The following NMT1 variants were observed in gnomAD, a reference collection of about 807,000 sequenced individuals.
NMT1 encodes the protein N-myristoyltransferase 1, also known as glycylpeptide N-tetradecanoyltransferase 1.
In NMT1, 12 loss-of-function variants were observed where a neutral mutation model predicts 63.4. The ratio of observed to expected loss-of-function variants is 0.19; its 90% CI spans 0.12 to 0.31. NMT1 has a LOEUF of 0.31. Among genes scored for constraint, NMT1 ranks in the 10% least tolerant of loss-of-function variants. NMT1 has a pLI of 1.00. For missense variants in NMT1, 432 were observed against 634.6 expected (o/e 0.68, Z 3.43); for synonymous variants, 228 against 234.3 (o/e 0.97, Z 0.25).
In NMT1 at chr17:45,085,079, C is replaced by A. The variant is rs370764037; in HGVS notation, c.241-1429C>A. ...CCCAGGCAACATAGTGAGACCCCGT[C>A]TCGACAAAAAAACAAACAAAAAAAT... On this transcript the variant is annotated intron_variant, in intron 2 of 11. Transcript: ENST00000258960. Among the ~76,000 whole-genome samples the A allele has an allele frequency of 5.9e-5, 9 of 151,934 alleles. No homozygotes were observed. The East Asian group carries it at 1.4e-3, about 23-fold the overall frequency.
chr17:45,070,478 C>T lies in NMT1; in HGVS notation c.131+9018C>T, dbSNP rs148924961. The stretch of plus-strand genomic sequence containing the variant: ...TGTCACCCAGGCTGGAGTACAGTGG[C>T]GCGGTCTTGGCTCACTGCAAGCTGC... On this transcript the variant is annotated intron_variant, in intron 1 of 11. Transcript: ENST00000258960. Among the ~76,000 whole-genome samples the T allele has an allele frequency of 1.9e-4, 29 of 152,264 alleles. 2 individuals are homozygous for T. The East Asian group carries it at 2.9e-3, about 15-fold the overall frequency.
rs1006739593 is a variant in NMT1, at chr17:45,098,428, C to T, written c.760C>T (p.Leu254=). 10 of 1,614,198 alleles carry T rather than the reference C, an allele frequency of 6.2e-6. No individual in the cohort carries two copies. Among genetic ancestry groups the T allele is most frequent in the African/African-American group, 4.0e-5 (3 of 75,054 alleles). ...EINFLCVHKK[L]RSKRVAPVLI... ...CAACTTCCTGTGTGTCCACAAGAAG[C>T]TGCGTTCCAAGAGGGTTGCTCCAGT... is the stretch of plus-strand genomic sequence containing the variant. Residue 254 remains leucine (L), a synonymous_variant, in exon 7 of 12, where the codon CTG becomes TTG. Transcript: ENST00000258960.
chr17:45,103,053 A>C lies in NMT1; in HGVS notation c.1096A>C (p.Met366Leu). The change falls in exon 9 of 12, where the codon ATG becomes CTG. Residue 366 changes from methionine (M) to leucine (L), a missense_variant. Physicochemically the swap from Met to Leu is conservative, Grantham distance 15. Coordinates refer to ENST00000258960, the MANE Select transcript of NMT1 (RefSeq NM_021079.5). This position sits in a 1 kb window ranked among gnomAD's most constrained non-coding sequence, Gnocchi z 4.8. The stretch of plus-strand genomic sequence containing the variant: ...GAAGCAATTTCACCTTACGCCCGTC[A>C]TGAGCCAGGAGGAGGTGGAGCACTG... ...YLKQFHLTPV[M>L]SQEEVEHWFY... is the part of the protein sequence containing the mutation. The C allele has an allele frequency of 6.2e-7, 1 of 1,614,072 alleles. No homozygotes were observed. The highest frequency in any genetic ancestry group is 8.5e-7 in the Non-Finnish European group (1 of 1,179,954).
rs2054196046 is a variant in NMT1 at position 45,105,431 on chromosome 17, G to T, written c.1471-188G>T. ...GCTGGAGCGTGGGCCAGTTTTCCCT[G>T]GGAGGTCTGATGGACGTGTGAACCC... On this transcript the variant is annotated intron_variant, in intron 11 of 11. Coordinates refer to ENST00000258960, the MANE Select transcript of NMT1 (RefSeq NM_021079.5). The surrounding 1 kb of genome is among the most constrained non-coding windows in gnomAD (Gnocchi z 4.2). Among the ~76,000 whole-genome samples, 1 of 152,186 alleles carries T rather than the reference G, an allele frequency of 6.6e-6. No individual in the cohort carries two copies. The highest frequency in any genetic ancestry group is 6.5e-5 in the Admixed American group (1 of 15,278).
chr17:45,097,554 C>G (rs2054133727), intron 6 of NMT1, among the ~76,000 whole-genome samples: 1 of 152,022 alleles, frequency 6.6e-6, no homozygotes, highest in South Asian at 2.1e-4. Context: ...CAAGGTCTTG[C>G]TATGTTGCCC....
At chr17:45,080,409 C>T (rs1438866092) in intron 1 of NMT1, among the ~76,000 whole-genome samples, 1 of 151,544 alleles carries the variant, frequency 6.6e-6, no homozygotes, top group Non-Finnish European at 1.5e-5. Flanking sequence ...ATCCGCCTGC[C>T]TTGGCCTCCC....
At chr17:45,076,895 G>C (rs2143471148) in intron 1 of NMT1, among the ~76,000 whole-genome samples, 1 of 152,294 alleles carries the variant, frequency 6.6e-6, no homozygotes, top group African/African-American at 2.4e-5. Context: ...TTTGCTCTCT[G>C]ATTTTAGTTT....
In NMT1 at chr17:45,061,461, G is replaced by A; in HGVS notation, c.131+1G>A. The A allele has an allele frequency of 6.2e-7, 1 of 1,611,948 alleles. No individual in the cohort carries two copies. The highest frequency in any genetic ancestry group is 8.5e-7 in the Non-Finnish European group (1 of 1,179,150). ...AGGAGGACAACAGCTACAACCGGGGGTAACGAAATCCTCGGAGTCCAATTC... is the reference window on the plus strand; with the variant it reads ...AGGAGGACAACAGCTACAACCGGGGATAACGAAATCCTCGGAGTCCAATTC... On this transcript the variant is annotated splice_donor_variant, in intron 1 of 11. Transcript: ENST00000258960. LOFTEE classifies it high-confidence loss of function.
At position 45,103,268 on chromosome 17, in the gene NMT1, G is replaced by A; in HGVS notation, c.1164+147G>A. The A allele has an allele frequency of 5.4e-6, 4 of 735,852 alleles. No homozygotes were observed. The highest frequency in any genetic ancestry group is 8.9e-6 in the Non-Finnish European group (4 of 451,164). The allele number at this position is 735,852 out of a possible 1,614,324, so 45.6% of individuals were successfully genotyped here. A position where few individuals can be genotyped will look rare whatever the true frequency, so the allele number is the denominator to read the frequency against. The stretch of plus-strand genomic sequence containing the variant: ...TCCTCCCTAAAAACAGGGAGTTGGT[G>A]CTTGAATTTGCTGAAAAGATACCTC... On this transcript the variant is annotated intron_variant, in intron 9 of 11. Transcript: ENST00000258960. This position sits in a 1 kb window ranked among gnomAD's most constrained non-coding sequence, Gnocchi z 4.8.
Position 45,103,174 on chromosome 17 carries a change from C to A in NMT1, c.1164+53C>A. On this transcript the variant is annotated intron_variant, in intron 9 of 11. Transcript: ENST00000258960. This position sits in a 1 kb window ranked among gnomAD's most constrained non-coding sequence, Gnocchi z 4.8. ...TCTAACACGTTCCCAGAGAGGCACC[C>A]CCCTGAGTGGCCGGGTTCCCAGGGC... 1.3e-6 allele frequency: 2 copies of A among 1,549,192 alleles called. No homozygotes were observed. The highest frequency in any genetic ancestry group is 2.4e-5 in the South Asian group (2 of 84,738).
Position 45,086,582 on chromosome 17 carries a change from T to C in NMT1, c.315T>C (p.Pro105=). Residue 105 remains proline, a synonymous_variant, in exon 3 of 12, where the codon CCT becomes CCC. Coordinates refer to ENST00000258960, the MANE Select transcript of NMT1 (RefSeq NM_021079.5). ...AIELFSVGQG[P]AKTMEEASKR... is the part of the protein sequence containing the mutation. ...AGCTGTTCTCAGTGGGTCAGGGACC[T>C]GCCAAAACCATGGAGGAGGCTAGCA... 1 of 1,613,690 alleles carries C rather than the reference T, an allele frequency of 6.2e-7. No homozygotes were observed. Among genetic ancestry groups the C allele is most frequent in the Non-Finnish European group, 8.5e-7 (1 of 1,179,784 alleles).
intron 1 of NMT1, among the ~76,000 whole-genome samples, chr17:45,074,089 C>CT (rs1419400620): frequency 6.6e-6 from 1 of 152,170 alleles, no homozygotes; most frequent in African/African-American, 2.4e-5. Context: ...GCATTGCGCT[C>CT]TATTTCTAGA....
Position 45,061,350 on chromosome 17 carries a change from A to G in NMT1, c.21A>G (p.Thr7=), listed in dbSNP as rs763334167. 1 of 1,613,986 alleles carries G rather than the reference A, an allele frequency of 6.2e-7. No homozygotes were observed. The highest frequency in any genetic ancestry group is 8.5e-7 in the Non-Finnish European group (1 of 1,179,964). Residue 7 remains threonine (T), a synonymous_variant, in exon 1 of 12, where the codon ACA becomes ACG. Coordinates refer to ENST00000258960, the MANE Select transcript of NMT1 (RefSeq NM_021079.5). MADESE[T]AVKPPAPPLP... is the part of the protein sequence containing the mutation. The stretch of plus-strand genomic sequence containing the variant: ...TCAAGATGGCGGACGAGAGTGAGAC[A>G]GCAGTGAAGCCGCCGGCACCTCCGC...
chr17:45,071,295 T>C (rs1429807347), intron 1 of NMT1: 1 of 152,204 alleles, frequency 6.6e-6, no homozygotes, highest in Non-Finnish European at 1.5e-5. Context: ...AGTGCCATGG[T>C]GCAGTCCTCC....
chr17:45,098,552 G>A lies in NMT1; in HGVS notation c.884G>A (p.Arg295Lys). 1 of 1,613,520 alleles carries A rather than the reference G, an allele frequency of 6.2e-7. No homozygotes were observed. Among genetic ancestry groups the A allele is most frequent in the Non-Finnish European group, 8.5e-7 (1 of 1,179,742 alleles). ...CTACCAAAGCCCGTTGGCACCTGCA[G>A]GTAAAACTGTCTTCCTGTAAGGCCC... ...VVLPKPVGTC[R>K]YWHRSLNPRK... Residue 295 changes from arginine to lysine, a missense_variant and splice_region_variant, in exon 7 of 12, where the codon AGG becomes AAG. Arg to Lys is a conservative substitution (Grantham distance 26). Coordinates refer to ENST00000258960, the MANE Select transcript of NMT1 (RefSeq NM_021079.5).
Position 45,103,963 on chromosome 17 carries a change from C to T in NMT1, c.1332+87C>T. The T allele has an allele frequency of 6.2e-7, 1 of 1,601,280 alleles. No homozygotes were observed. Among genetic ancestry groups the T allele is most frequent in the Admixed American group, 1.7e-5 (1 of 59,980 alleles). On this transcript the variant is annotated intron_variant, in intron 10 of 11. Transcript: ENST00000258960. The surrounding 1 kb of genome is among the most constrained non-coding windows in gnomAD (Gnocchi z 4.8). ...AGCACAGCTCCCGGGACGCAGCCTC[C>T]CATGGGCTGGAGGCTCTGAGCCCTC...
At chr17:45,072,747 G>A (rs2053950510) in intron 1 of NMT1, among the ~76,000 whole-genome samples, 1 of 149,496 alleles carries the variant, frequency 6.7e-6, no homozygotes, top group Admixed American at 6.7e-5. Flanking sequence ...TTTTAGTAGA[G>A]ACGGGGTTTC....
chr17:45,096,309 G>C (rs1257997008), intron 5 of NMT1, 24 bp downstream of exon 5: 1 of 1,589,620 alleles, frequency 6.3e-7, no homozygotes, highest in Non-Finnish European at 8.6e-7. Context: ...GCTTTCTTGA[G>C]GTTCTTGAGA....
Position 45,097,240 on chromosome 17 carries a change from G to A in NMT1, c.709G>A (p.Asp237Asn). 1 of 1,611,420 alleles carries A rather than the reference G, an allele frequency of 6.2e-7. No homozygotes were observed. The stretch of plus-strand genomic sequence containing the variant: ...CATCCCAGCAAACATCCATATCTAT[G>A]ACACGTAAGCACCTGCACCTACCCC... ...SAIPANIHIY[D>N]TEKKMVEINF... The change falls in exon 6 of 12, where the codon GAC (aspartate) becomes AAC (asparagine). Residue 237 changes from aspartate (D) to asparagine (N), a missense_variant. Coordinates refer to ENST00000258960, the MANE Select transcript of NMT1 (RefSeq NM_021079.5).
Sources: allele counts gnomAD v4.1 joint callset (sites outside exome capture counted in the v4.1 genomes callset), GRCh38; gene constraint gnomAD v4.1.1; non-coding constraint Gnocchi (gnomAD v3.1); transcripts MANE v1.5; gene names NCBI Gene and HGNC (gene_info 2026-07-23, HGNC 2026-07-21).